Variants in USP49 observed in about 807,000 individuals in gnomAD.
The protein encoded by USP49 is ubiquitin carboxyl-terminal hydrolase 49.
In USP49, 24 loss-of-function variants were observed where a neutral mutation model predicts 58.6. The observed-to-expected ratio is 0.41, with a 90% CI of 0.30 to 0.58. The LOEUF (loss-of-function observed/expected upper bound fraction) is 0.58. Ranked by LOEUF, USP49 falls within the 20% of genes least tolerant of loss-of-function variation. The probability of loss-of-function intolerance (pLI) is 0.30; values close to 1 mark genes in which losing one functional copy is unlikely to be tolerated. For synonymous variants in USP49, 408 were observed against 365.1 expected (o/e 1.12, Z -1.34); for missense variants, 703 against 866.1 (o/e 0.81, Z 2.36).
intron 3 of USP49, among the ~76,000 whole-genome samples, chr6:41,828,826 T>C (rs925643863): frequency 3.9e-5 from 6 of 152,170 alleles, no homozygotes; most frequent in African/African-American, 1.4e-4. Flanking sequence ...AGTTTGAAGT[T>C]TACACTTAGG....
intron 3 of USP49, among the ~76,000 whole-genome samples, chr6:41,856,068 A>G (rs1561919445): frequency 6.7e-6 from 1 of 148,976 alleles, no homozygotes; most frequent in Non-Finnish European, 1.5e-5. Flanking sequence ...AAGTAAATTA[A>G]TAAATAAAAG....
rs1773106040 is a variant in USP49 at position 41,805,820 on chromosome 6, C to G, written c.1164G>C (p.Leu388=). ...GGTCGTAGCCGCGGAAGGCAGGGAT[C>G]AGGCTCCACACTGAGTGGAGCATGG... ...PFAMLHSVWS[L]IPAFRGYDQQ... Residue 388 remains leucine (L), a synonymous_variant, in exon 4 of 8, where the codon CTG becomes CTC. Transcript: ENST00000682992. 1 of 1,613,938 alleles carries G rather than the reference C, an allele frequency of 6.2e-7. No individual in the cohort carries two copies. Among genetic ancestry groups the G allele is most frequent in the South Asian group, 1.1e-5 (1 of 91,078 alleles).
chr6:41,829,140 G>A (rs1486689798), intron 3 of USP49, among the ~76,000 whole-genome samples: 1 of 152,132 alleles, frequency 6.6e-6, no homozygotes, highest in Non-Finnish European at 1.5e-5. Flanking sequence ...AGACAGGAAT[G>A]TGATTGATTT....
At chr6:41,887,314 C>G (rs1255541054) in intron 2 of USP49, 1 of 152,176 alleles carries the variant, frequency 6.6e-6, no homozygotes, top group Non-Finnish European at 1.5e-5. Context: ...ACAATTTGCC[C>G]AGCAAAAGAA....
At chr6:41,858,249 T>C (rs1222263963) in intron 3 of USP49, among the ~76,000 whole-genome samples, 1 of 152,168 alleles carries the variant, frequency 6.6e-6, no homozygotes, top group Admixed American at 6.5e-5. Flanking sequence ...AAATATTACC[T>C]CTTCCCCAAG....
At chr6:41,840,493 C>G (rs1179048073) in intron 3 of USP49, among the ~76,000 whole-genome samples, 1 of 151,974 alleles carries the variant, frequency 6.6e-6, no homozygotes. Flanking sequence ...GAGAAGTTGG[C>G]ACATAAAAGG....
chr6:41,837,320 T>C (rs757176497), intron 3 of USP49, among the ~76,000 whole-genome samples: 3 of 152,056 alleles, frequency 2.0e-5, no homozygotes, highest in Admixed American at 2.0e-4. Context: ...CCTACAACCA[T>C]CTGATACTCA....
At chr6:41,863,880 T>C (rs947316456) in intron 3 of USP49, among the ~76,000 whole-genome samples, 1 of 152,042 alleles carries the variant, frequency 6.6e-6, no homozygotes, top group Non-Finnish European at 1.5e-5. Flanking sequence ...ACCTCAGCCC[T>C]TGGAACAGCT....
At chr6:41,846,893 C>G (rs1025866873) in intron 3 of USP49, among the ~76,000 whole-genome samples, 7 of 152,188 alleles carry the variant, frequency 4.6e-5, no homozygotes, top group Admixed American at 1.3e-4. Flanking sequence ...AGAATACTGA[C>G]TGGACAGGTT....
At chr6:41,804,104 TAA>T (rs1455353148) in intron 4 of USP49, 94 bp from the exon 5 acceptor site, 1 of 1,109,600 alleles carries the variant, frequency 9.0e-7, no homozygotes, top group African/African-American at 1.6e-5. Flanking sequence ...TTATCAAAAC[TAA>T]GTGTATAATT....
At chr6:41,863,020 G>A (rs1438481828) in intron 3 of USP49, among the ~76,000 whole-genome samples, 6 of 151,930 alleles carry the variant, frequency 3.9e-5, no homozygotes, top group Admixed American at 6.6e-5. Flanking sequence ...CAAGCAATCC[G>A]CCCATCTCAG....
chr6:41,844,981 A>G (rs1443581922), intron 3 of USP49, among the ~76,000 whole-genome samples: 4 of 151,888 alleles, frequency 2.6e-5, no homozygotes, highest in Non-Finnish European at 4.4e-5. Context: ...GCTCACTGCA[A>G]CCTCTGCCTC....
chr6:41,859,655 A>C (rs1774186986), intron 3 of USP49, among the ~76,000 whole-genome samples: 1 of 152,218 alleles, frequency 6.6e-6, no homozygotes, highest in African/African-American at 2.4e-5. Flanking sequence ...GTTCTACTTC[A>C]GTGTCCTCTT....
intron 3 of USP49, among the ~76,000 whole-genome samples, chr6:41,811,297 AC>A (rs1468436834): frequency 6.6e-6 from 1 of 152,172 alleles, no homozygotes; most frequent in Non-Finnish European, 1.5e-5. Context: ...ACATGGTTTC[AC>A]TTTCTGAGGT....
chr6:41,806,408 C>A lies in USP49; in HGVS notation c.576G>T (p.Val192=). ...CCAGCTCCTCCAGCAGCCGCCGTTT[C>A]ACCTCGCGCCGCCGCCTCCGCGCCT... ...KEEARRRRRE[V]KRRLLEELAS... is the part of the protein sequence containing the mutation. The change falls in exon 4 of 8, where the codon GTG becomes GTT. Residue 192 remains valine, a synonymous_variant. Coordinates refer to ENST00000682992, the MANE Select transcript of USP49 (RefSeq NM_001286554.2). This position sits in a 1 kb window ranked among gnomAD's most constrained non-coding sequence, Gnocchi z 5.9. 6.4e-7 allele frequency: 1 copy of A among 1,565,262 alleles called. No individual in the cohort carries two copies. The highest frequency in any genetic ancestry group is 8.6e-7 in the Non-Finnish European group (1 of 1,164,376).
chr6:41,855,555 T>C (rs563080051), intron 3 of USP49, among the ~76,000 whole-genome samples: 2 of 152,114 alleles, frequency 1.3e-5, no homozygotes, highest in Admixed American at 6.6e-5. Context: ...GTACTTTTAT[T>C]ATTTTCTGAC....
At chr6:41,815,738 CA>C (rs1421309067) in intron 3 of USP49, among the ~76,000 whole-genome samples, 12 of 152,332 alleles carry the variant, frequency 7.9e-5, no homozygotes, top group Middle Eastern at 3.4e-3. Flanking sequence ...ACTTATGCAG[CA>C]GCTCTTGGCC....
chr6:41,831,295 C>T (rs1773629187), intron 3 of USP49, among the ~76,000 whole-genome samples: 1 of 152,162 alleles, frequency 6.6e-6, no homozygotes, highest in African/African-American at 2.4e-5. Context: ...GAGGCTGAGG[C>T]AGGAGAATCG....
chr6:41,813,649 T>C (rs1773296381), intron 3 of USP49, among the ~76,000 whole-genome samples: 1 of 152,120 alleles, frequency 6.6e-6, no homozygotes, highest in Admixed American at 6.5e-5. Flanking sequence ...CATTACAAAT[T>C]TGTCATGGCG....
Sources: gnomAD v4.1 joint callset for allele counts (sites outside exome capture counted in the v4.1 genomes callset) on GRCh38, gnomAD v4.1.1 for gene constraint, Gnocchi (gnomAD v3.1) non-coding constraint, MANE v1.5 for transcripts, NCBI Gene and HGNC (gene_info 2026-07-23, HGNC 2026-07-21) for gene names.